Variants in MAST4 observed in about 807,000 individuals in gnomAD.
The protein encoded by MAST4 is microtubule associated serine/threonine kinase family member 4, also known as microtubule-associated serine/threonine-protein kinase 4.
A neutral mutation model predicts 162.7 loss-of-function variants in MAST4; 89 were observed. The ratio of observed to expected loss-of-function variants is 0.55; its 90% CI spans 0.46 to 0.65. MAST4 has a LOEUF of 0.65. Ranked by LOEUF, MAST4 falls within the 30% of genes least tolerant of loss-of-function variation. The pLI, the probability that MAST4 is intolerant of heterozygous loss-of-function variation, is 0.00. For synonymous variants in MAST4, 1,479 were observed against 1,361.1 expected (o/e 1.09, Z -1.91); for missense variants, 3,153 against 3,374.0 (o/e 0.93, Z 1.62).
At chr5:66,783,335 A>G (rs921619532) in intron 2 of MAST4, 1 of 152,058 alleles carries the variant, frequency 6.6e-6, no homozygotes, top group Non-Finnish European at 1.5e-5. Flanking sequence ...CTATTTTTAG[A>G]TTTTACAACA....
intron 3 of MAST4, among the ~76,000 whole-genome samples, chr5:66,824,838 T>A (rs1360504328): frequency 6.6e-6 from 1 of 152,226 alleles, no homozygotes; most frequent in Non-Finnish European, 1.5e-5. Flanking sequence ...TTTGTGTATC[T>A]AAACATAGAA....
At chr5:66,611,313 AG>A (rs1743273386) in intron 1 of MAST4, among the ~76,000 whole-genome samples, 1 of 152,196 alleles carries the variant, frequency 6.6e-6, no homozygotes, top group Non-Finnish European at 1.5e-5. Context: ...GTGTGTTTTT[AG>A]GGGCCTCTTT....
intron 12 of MAST4, among the ~76,000 whole-genome samples, chr5:67,116,500 CTG>C (rs1766934221): frequency 6.6e-6 from 1 of 151,924 alleles, no homozygotes; most frequent in East Asian, 1.9e-4. Flanking sequence ...GCCACCGCAC[CTG>C]GCCTTGAGGC....
rs375566737 is a variant in MAST4, at chr5:67,164,986, A to G, written c.5807A>G (p.Lys1936Arg). 1.4e-4 allele frequency: 229 copies of G among 1,613,714 alleles called. No individual in the cohort carries two copies. Among genetic ancestry groups the G allele is most frequent in the Non-Finnish European group, 1.8e-4 (213 of 1,179,844 alleles). The change falls in exon 29 of 29, where the codon AAG becomes AGG. Residue 1936 changes from lysine to arginine, a missense_variant. Lys to Arg is a conservative substitution (Grantham distance 26). Transcript: ENST00000403625. The surrounding 1 kb of genome is among the most constrained non-coding windows in gnomAD (Gnocchi z 5.3). ...PKHQDHTTDP[K>R]LLTCLGQNLH... Reference sequence around the variant, plus strand: ...CACCAAGACCACACCACTGACCCCAAGCTTCTGACCTGCCTGGGGCAGAAC... The same window carrying G: ...CACCAAGACCACACCACTGACCCCAGGCTTCTGACCTGCCTGGGGCAGAAC...
intron 10 of MAST4, among the ~76,000 whole-genome samples, chr5:67,107,656 G>A (rs1765745533): frequency 6.6e-6 from 1 of 152,202 alleles, no homozygotes; most frequent in South Asian, 2.1e-4. Flanking sequence ...TCTGTGCTCT[G>A]TAGGCCTATC....
Position 67,152,665 on chromosome 5 carries a change from T to A in MAST4, c.3324T>A (p.Ser1108Arg). 1 of 1,613,964 alleles carries A rather than the reference T, an allele frequency of 6.2e-7. No homozygotes were observed. Among genetic ancestry groups the A allele is most frequent in the South Asian group, 1.1e-5 (1 of 91,090 alleles). Residue 1108 changes from serine to arginine, a missense_variant, in exon 25 of 29, where the codon AGT (serine) becomes AGA (arginine). By Grantham distance (110) the Ser-to-Arg change is moderately radical (BLOSUM62 -1). Around this residue, in one of 7 missense-constraint regions of MAST4, gnomAD observed 619 missense variants for 744.2 expected, o/e 0.83. Transcript: ENST00000403625. Reference sequence around the variant, plus strand: ...TGTTTGCTGTTTCCCCTCTGGGAAGTCCAATGTCTCCCCATTCCCTGTCCT... The same window carrying A: ...TGTTTGCTGTTTCCCCTCTGGGAAGACCAATGTCTCCCCATTCCCTGTCCT... ...GDMFAVSPLG[S>R]PMSPHSLSSD...
chr5:66,787,755 G>GT (rs35380910), intron 2 of MAST4, among the ~76,000 whole-genome samples: 40 of 152,154 alleles, frequency 2.6e-4, no homozygotes, highest in African/African-American at 8.4e-4. Context: ...TTCATTGTCT[G>GT]TTTTTTTGGA....
chr5:66,866,360 G>C (rs1466143645), intron 3 of MAST4, among the ~76,000 whole-genome samples: 4 of 152,132 alleles, frequency 2.6e-5, no homozygotes, highest in Non-Finnish European at 5.9e-5. Context: ...ATTGTGATTA[G>C]TTCTGTGGGT....
At chr5:66,694,439 C>T (rs976090587) in intron 1 of MAST4, among the ~76,000 whole-genome samples, 4 of 152,106 alleles carry the variant, frequency 2.6e-5, no homozygotes, top group Admixed American at 1.3e-4. Context: ...TAAAAATTTG[C>T]ACTCCTCTAA....
intron 5 of MAST4, among the ~76,000 whole-genome samples, chr5:67,075,290 G>A (rs1761501514): frequency 1.3e-5 from 2 of 151,026 alleles, no homozygotes; most frequent in Non-Finnish European, 2.9e-5. Context: ...TCCCACCTCA[G>A]CCTCCTTAGT....
chr5:66,829,783 C>T (rs1030316053), intron 3 of MAST4, among the ~76,000 whole-genome samples: 6 of 151,998 alleles, frequency 3.9e-5, no homozygotes, highest in Non-Finnish European at 7.3e-5. Context: ...CTTTGAATTT[C>T]AGCTGGTCTA....
chr5:66,920,195 A>G (rs986419637), intron 4 of MAST4, among the ~76,000 whole-genome samples: 1 of 152,192 alleles, frequency 6.6e-6, no homozygotes, highest in African/African-American at 2.4e-5. Context: ...GATACAAACT[A>G]TGCTAAATAA....
Position 67,100,277 on chromosome 5 carries a change from T to C in MAST4, c.913-158T>C, listed in dbSNP as rs867908561. ...GCATTTTGAACTCTGAGAGAGAACA[T>C]CAAGTTATACATTTAGGCAGTCGTT... On this transcript the variant is annotated intron_variant, in intron 7 of 28. Coordinates refer to ENST00000403625, the MANE Select transcript of MAST4 (RefSeq NM_001164664.2). 5.9e-5 allele frequency among the ~76,000 whole-genome samples: 9 copies of C among 152,298 alleles called. No homozygotes were observed. The Middle Eastern group carries it at 0.014, about 230-fold the overall frequency.
At chr5:66,808,033 T>G (rs1303310375) in intron 3 of MAST4, among the ~76,000 whole-genome samples, 1 of 152,240 alleles carries the variant, frequency 6.6e-6, no homozygotes, top group African/African-American at 2.4e-5. Context: ...CCCTTTCTTC[T>G]ATTACTACAT....
intron 1 of MAST4, among the ~76,000 whole-genome samples, chr5:66,637,521 C>T (rs1435558679): frequency 6.6e-6 from 1 of 152,042 alleles, no homozygotes; most frequent in Non-Finnish European, 1.5e-5. Context: ...ATCAGTCTTT[C>T]TCTTACTGAT....
intron 2 of MAST4, among the ~76,000 whole-genome samples, chr5:66,776,572 A>G (rs972425597): frequency 9.8e-5 from 15 of 152,354 alleles, no homozygotes; most frequent in Admixed American, 3.3e-4. Context: ...TACTGTTATC[A>G]TTATAAAACA....
At chr5:66,989,279 C>T (rs1449137404) in intron 4 of MAST4, among the ~76,000 whole-genome samples, 1 of 152,070 alleles carries the variant, frequency 6.6e-6, no homozygotes, top group African/African-American at 2.4e-5. Context: ...CTTATACCTC[C>T]TTGCTCATAA....
At chr5:66,747,552 T>C (rs1752845017) in intron 1 of MAST4, among the ~76,000 whole-genome samples, 2 of 152,366 alleles carry the variant, frequency 1.3e-5, no homozygotes, top group African/African-American at 4.8e-5. Context: ...ATTATTTGCT[T>C]ACCAAACCTT....
rs1034525643 is a variant in MAST4, at chr5:66,753,476, C to A, written c.364-6233C>A. Among the ~76,000 whole-genome samples the A allele has an allele frequency of 1.3e-4, 20 of 151,754 alleles. No individual in the cohort carries two copies. The East Asian group carries it at 2.9e-3, about 22-fold the overall frequency. ...AAAAATGATAAAGGGGATATCACCACCGATCCCACAGAAATACAAACTACC... is the reference window on the plus strand; with the variant it reads ...AAAAATGATAAAGGGGATATCACCAACGATCCCACAGAAATACAAACTACC... On this transcript the variant is annotated intron_variant, in intron 1 of 28. Coordinates refer to ENST00000403625, the MANE Select transcript of MAST4 (RefSeq NM_001164664.2).
Sources: gnomAD v4.1 joint callset for allele counts (sites outside exome capture counted in the v4.1 genomes callset) on GRCh38, gnomAD v4.1.1 for gene constraint, gnomAD v4.1.1 regional missense constraint, Gnocchi (gnomAD v3.1) non-coding constraint, MANE v1.5 for transcripts, NCBI Gene and HGNC (gene_info 2026-07-23, HGNC 2026-07-21) for gene names.